Variants in MYO1D observed in about 807,000 individuals in gnomAD.
The protein encoded by MYO1D is unconventional myosin-Id.
A neutral mutation model predicts 122.0 loss-of-function variants in MYO1D; 83 were observed. That is an observed-to-expected ratio of 0.68 (90% confidence interval 0.57 to 0.82). MYO1D has a LOEUF of 0.82. MYO1D is among the 40% of genes least tolerant of loss of function. The pLI, the probability that MYO1D is intolerant of heterozygous loss-of-function variation, is 0.00. For missense variants in MYO1D, 1,157 were observed against 1,269.5 expected (o/e 0.91, Z 1.35); for synonymous variants, 464 against 446.9 (o/e 1.04, Z -0.48).
chr17:32,632,426 A>C (rs1432429790), intron 20 of MYO1D: 1 of 152,216 alleles, frequency 6.6e-6, no homozygotes, highest in African/African-American at 2.4e-5. Flanking sequence ...GGCCCAGTGG[A>C]TTCAGGCATG....
At chr17:32,702,187 T>A (rs1259799313) in intron 16 of MYO1D, among the ~76,000 whole-genome samples, 1 of 152,234 alleles carries the variant, frequency 6.6e-6, no homozygotes. Flanking sequence ...GAGTTTTACA[T>A]GCTTCTGTTA....
chr17:32,767,707 T>G lies in MYO1D; in HGVS notation c.760A>C (p.Met254Leu). 1 of 1,613,938 alleles carries G rather than the reference T, an allele frequency of 6.2e-7. No homozygotes were observed. The highest frequency in any genetic ancestry group is 1.3e-5 in the African/African-American group (1 of 75,044). ...AAEFRVVADAMKVIGFKPEEI... is the reference protein window; with the variant it reads ...AAEFRVVADALKVIGFKPEEI... ...TCAGGTTTGAAGCCAATGACTTTCA[T>G]GGCATCAGCAACAACTCTGAATTCG... is the stretch of plus-strand genomic sequence containing the variant. Residue 254 changes from methionine (M) to leucine (L), a missense_variant, in exon 7 of 22, where the codon ATG (methionine) becomes CTG (leucine). Physicochemically the swap from Met to Leu is conservative, Grantham distance 15 (BLOSUM62 2). Coordinates refer to ENST00000318217, the MANE Select transcript of MYO1D (RefSeq NM_015194.3).
At chr17:32,523,410 T>G (rs899255395) in intron 21 of MYO1D, 1 of 152,168 alleles carries the variant, frequency 6.6e-6, no homozygotes, top group African/African-American at 2.4e-5. Context: ...GGGCTTCACA[T>G]TTCCGATTCA....
intron 16 of MYO1D, among the ~76,000 whole-genome samples, chr17:32,708,281 T>C (rs2089333680): frequency 6.6e-6 from 1 of 152,232 alleles, no homozygotes; most frequent in Non-Finnish European, 1.5e-5. Context: ...TTTGTCTATA[T>C]GCACAGAAAG....
chr17:32,760,187 G>A, intron 10 of MYO1D, 103 bp downstream of exon 10: 1 of 1,004,346 alleles, frequency 1.0e-6, no homozygotes. Flanking sequence ...AGGTTCAGAT[G>A]TTTCAAATAC....
At chr17:32,669,839 A>G (rs1334106973) in intron 16 of MYO1D, among the ~76,000 whole-genome samples, 1 of 152,142 alleles carries the variant, frequency 6.6e-6, no homozygotes, top group African/African-American at 2.4e-5. Context: ...TTTTATACAC[A>G]TTTTATTTAG....
intron 1 of MYO1D, 37 bp downstream of exon 1, chr17:32,876,741 A>C: frequency 2.1e-6 from 3 of 1,462,536 alleles, no homozygotes; most frequent in Non-Finnish European, 2.7e-6. Context: ...GGGAAAGCGC[A>C]GCCTCGCGCC....
chr17:32,536,302 T>G lies in MYO1D; in HGVS notation c.2865-41387A>C, dbSNP rs1281228923. Among the ~76,000 whole-genome samples the G allele has an allele frequency of 4.6e-5, 7 of 151,974 alleles. No homozygotes were observed. The East Asian group carries it at 1.4e-3, about 29-fold the overall frequency. Reference sequence around the variant, plus strand: ...CATCCACCTCGGCCTCCCAAAGTGCTGGGATTGCAGGCATGAGCCACTGTG... The same window carrying G: ...CATCCACCTCGGCCTCCCAAAGTGCGGGGATTGCAGGCATGAGCCACTGTG... On this transcript the variant is annotated intron_variant, in intron 21 of 21. Transcript: ENST00000318217.
intron 14 of MYO1D, among the ~76,000 whole-genome samples, chr17:32,737,143 G>A (rs1343203391): frequency 3.3e-5 from 5 of 152,022 alleles, no homozygotes; most frequent in South Asian, 2.1e-4. Context: ...AAAAGATAAC[G>A]AAGAAGAAAC....
chr17:32,839,363 A>T (rs1396476453), intron 1 of MYO1D, among the ~76,000 whole-genome samples: 1 of 152,262 alleles, frequency 6.6e-6, no homozygotes, highest in Non-Finnish European at 1.5e-5. Flanking sequence ...CTGGAGCCTT[A>T]TCAAAATAAT....
chr17:32,870,767 C>T (rs752858886), intron 1 of MYO1D, among the ~76,000 whole-genome samples: 2 of 152,204 alleles, frequency 1.3e-5, no homozygotes, highest in Non-Finnish European at 2.9e-5. Flanking sequence ...GTTTGCTTCA[C>T]AGCCACTCAC....
At chr17:32,776,372 G>C (rs1234380172) in intron 3 of MYO1D, among the ~76,000 whole-genome samples, 1 of 151,842 alleles carries the variant, frequency 6.6e-6, no homozygotes, top group African/African-American at 2.4e-5. Context: ...ATGTTCACGT[G>C]TGTGTGTGTG....
intron 1 of MYO1D, among the ~76,000 whole-genome samples, chr17:32,781,581 C>T (rs4239233): frequency 0.67 from 101,339 of 151,844 alleles, 33,954 homozygotes; most frequent in Middle Eastern, 0.78. Flanking sequence ...TATCTGTACA[C>T]AGATATATTT....
chr17:32,500,841 CTAGAAAT>C (rs1388464736), intron 21 of MYO1D, among the ~76,000 whole-genome samples: 1 of 151,986 alleles, frequency 6.6e-6, no homozygotes, highest in African/African-American at 2.4e-5. Flanking sequence ...CCCATCTCTA[CTAGAAAT>C]ACACAAAAAA....
At chr17:32,801,417 A>C (rs2151043333) in intron 1 of MYO1D, among the ~76,000 whole-genome samples, 1 of 152,356 alleles carries the variant, frequency 6.6e-6, no homozygotes, top group East Asian at 1.9e-4. Context: ...TGGTGGGGCC[A>C]GGGTAAGGAT....
intron 16 of MYO1D, among the ~76,000 whole-genome samples, chr17:32,669,217 G>A (rs1259014126): frequency 6.6e-6 from 1 of 152,128 alleles, no homozygotes; most frequent in Non-Finnish European, 1.5e-5. Context: ...CTATCTCCCT[G>A]AAAAGGATAT....
chr17:32,617,679 G>A (rs2087791485), intron 20 of MYO1D, among the ~76,000 whole-genome samples: 1 of 152,270 alleles, frequency 6.6e-6, no homozygotes, highest in East Asian at 1.9e-4. Flanking sequence ...AGCCTCAGGT[G>A]ATCCACCCGC....
intron 16 of MYO1D, among the ~76,000 whole-genome samples, chr17:32,671,957 A>G (rs1375447812): frequency 6.6e-6 from 1 of 152,212 alleles, no homozygotes; most frequent in Non-Finnish European, 1.5e-5. Flanking sequence ...GCATGAACAT[A>G]TTATCTATCC....
chr17:32,739,619 T>C (rs565504351), intron 13 of MYO1D, among the ~76,000 whole-genome samples: 44 of 151,306 alleles, frequency 2.9e-4, no homozygotes, highest in Non-Finnish European at 5.5e-4. Flanking sequence ...TGTGCACATG[T>C]ACCCTAGAAC....
Sources: allele counts gnomAD v4.1 joint callset (sites outside exome capture counted in the v4.1 genomes callset), GRCh38; gene constraint gnomAD v4.1.1; transcripts MANE v1.5; gene names NCBI Gene and HGNC (gene_info 2026-07-23, HGNC 2026-07-21).